The following UBE2E2 variants were observed in gnomAD, a reference collection of about 807,000 sequenced individuals.
UBE2E2 encodes ubiquitin-conjugating enzyme E2 E2.
In UBE2E2, 6 loss-of-function variants were observed where a neutral mutation model predicts 24.7. The ratio of observed to expected loss-of-function variants is 0.24; its 90% CI spans 0.13 to 0.48. The LOEUF (loss-of-function observed/expected upper bound fraction) is 0.48. Ranked by LOEUF, UBE2E2 falls within the 20% of genes least tolerant of loss-of-function variation. The pLI is 0.99. For synonymous variants in UBE2E2, 104 were observed against 83.6 expected (o/e 1.24, Z -1.33); for missense variants, 169 against 245.0 (o/e 0.69, Z 2.07).
At chr3:23,518,070 A>G (rs1326834764) in intron 4 of UBE2E2, among the ~76,000 whole-genome samples, 1 of 152,016 alleles carries the variant, frequency 6.6e-6, no homozygotes, top group Admixed American at 6.5e-5. Flanking sequence ...ACATTTCTAC[A>G]CAGCTTTAAG....
At chr3:23,328,811 G>A (rs1394351606) in intron 3 of UBE2E2, among the ~76,000 whole-genome samples, 6 of 151,924 alleles carry the variant, frequency 3.9e-5, no homozygotes, top group African/African-American at 1.5e-4. Flanking sequence ...ACAGGTGCCC[G>A]CCACCATGCC....
intron 2 of UBE2E2, among the ~76,000 whole-genome samples, chr3:23,209,459 C>T (rs983424052): frequency 1.1e-4 from 16 of 152,122 alleles, no homozygotes; most frequent in African/African-American, 3.9e-4. Flanking sequence ...ATTGGCATGT[C>T]ACTGGACTTA....
At chr3:23,536,311 A>T (rs115793329) in intron 5 of UBE2E2, among the ~76,000 whole-genome samples, 4,461 of 152,300 alleles carry the variant, frequency 0.029, 231 homozygotes, top group African/African-American at 0.1. Context: ...TAGAAGATCA[A>T]CAGTTTTCCT....
At chr3:23,222,018 C>A (rs1696662984) in intron 3 of UBE2E2, among the ~76,000 whole-genome samples, 1 of 151,994 alleles carries the variant, frequency 6.6e-6, no homozygotes. Context: ...ACTCCCCTTC[C>A]TGGCCTCTGG....
chr3:23,539,638 G>A (rs1330724361), intron 5 of UBE2E2, among the ~76,000 whole-genome samples: 1 of 152,166 alleles, frequency 6.6e-6, no homozygotes. Flanking sequence ...CATTTTTAAA[G>A]TAGGAAGGTA....
chr3:23,305,284 G>C (rs550570436), intron 3 of UBE2E2, among the ~76,000 whole-genome samples: 55 of 152,256 alleles, frequency 3.6e-4, no homozygotes, highest in South Asian at 8.3e-4. Flanking sequence ...AGCTTTAACA[G>C]GTATACAAAT....
chr3:23,244,510 A>G (rs4858484), intron 3 of UBE2E2, among the ~76,000 whole-genome samples: 92,733 of 151,984 alleles, frequency 0.61, 28,823 homozygotes, highest in South Asian at 0.68. Flanking sequence ...GTACAGCAAC[A>G]TAATTAACTA....
At chr3:23,274,573 G>C (rs555819862) in intron 3 of UBE2E2, among the ~76,000 whole-genome samples, 2 of 151,912 alleles carry the variant, frequency 1.3e-5, no homozygotes, top group Non-Finnish European at 2.9e-5. Context: ...TGTTGCCCAG[G>C]CTGGTCTTGA....
At chr3:23,253,511 TG>T (rs1697635663) in intron 3 of UBE2E2, among the ~76,000 whole-genome samples, 1 of 152,240 alleles carries the variant, frequency 6.6e-6, no homozygotes, top group Non-Finnish European at 1.5e-5. Context: ...CCATTGCTAC[TG>T]GACTGTGAAA....
At chr3:23,400,406 G>A (rs1697189209) in intron 3 of UBE2E2, among the ~76,000 whole-genome samples, 1 of 152,170 alleles carries the variant, frequency 6.6e-6, no homozygotes, top group African/African-American at 2.4e-5. Flanking sequence ...CTGGGCTCAA[G>A]TGATCCTCTT....
chr3:23,262,537 C>T (rs1349715383), intron 3 of UBE2E2, among the ~76,000 whole-genome samples: 1 of 151,994 alleles, frequency 6.6e-6, no homozygotes. Flanking sequence ...GCCTTGGTGT[C>T]CTAGAGCACT....
At chr3:23,398,719 G>T (rs1697140660) in intron 3 of UBE2E2, among the ~76,000 whole-genome samples, 1 of 152,124 alleles carries the variant, frequency 6.6e-6, no homozygotes, top group Non-Finnish European at 1.5e-5. Flanking sequence ...TTGTTTCTCT[G>T]CCTGGAAATT....
intron 3 of UBE2E2, among the ~76,000 whole-genome samples, chr3:23,459,311 ATTC>A (rs1411742897): frequency 6.6e-6 from 1 of 152,250 alleles, no homozygotes; most frequent in Non-Finnish European, 1.5e-5. Context: ...TTTCATAAAC[ATTC>A]TTCTCATTGA....
chr3:23,320,871 T>C (rs1390325757), intron 3 of UBE2E2, among the ~76,000 whole-genome samples: 2 of 152,234 alleles, frequency 1.3e-5, no homozygotes, highest in Non-Finnish European at 2.9e-5. Context: ...CTAACAGTAT[T>C]AGTTTCCTAG....
intron 3 of UBE2E2, among the ~76,000 whole-genome samples, chr3:23,256,984 T>G (rs1697742279): frequency 6.6e-6 from 1 of 152,258 alleles, no homozygotes; most frequent in Admixed American, 6.5e-5. Context: ...CCTATTTATT[T>G]AGGTCGTGTG....
chr3:23,336,228 G>C (rs527543343), intron 3 of UBE2E2, among the ~76,000 whole-genome samples: 1 of 152,230 alleles, frequency 6.6e-6, no homozygotes, highest in South Asian at 2.1e-4. Flanking sequence ...GTACCAGAAT[G>C]GGGGGAAAAG....
At position 23,419,541 on chromosome 3, in the gene UBE2E2, A is replaced by T. The variant is rs537603400; in HGVS notation, c.228-80067A>T. ...AAGTGACCCACCAGAATTACCTGGGAAGCTTTTAATAAGTTGTGGATGTTG... is the reference window on the plus strand; with the variant it reads ...AAGTGACCCACCAGAATTACCTGGGTAGCTTTTAATAAGTTGTGGATGTTG... On this transcript the variant is annotated intron_variant, in intron 3 of 5. Transcript: ENST00000396703. Among the ~76,000 whole-genome samples the T allele has an allele frequency of 2.0e-5, 3 of 152,300 alleles. No homozygotes were observed. The South Asian group carries it at 6.2e-4, about 32-fold the overall frequency.
intron 5 of UBE2E2, among the ~76,000 whole-genome samples, chr3:23,557,523 A>G (rs982732217): frequency 2.0e-5 from 3 of 152,164 alleles, no homozygotes; most frequent in Non-Finnish European, 4.4e-5. Flanking sequence ...GACAGTTTAG[A>G]TACACCAGTT....
chr3:23,527,081 G>A (rs1007411490), intron 4 of UBE2E2, among the ~76,000 whole-genome samples: 3 of 152,080 alleles, frequency 2.0e-5, no homozygotes, highest in Admixed American at 6.5e-5. Context: ...AACATTATTA[G>A]CATTTAAGGA....
Sources: allele counts gnomAD v4.1 joint callset (sites outside exome capture counted in the v4.1 genomes callset), GRCh38; gene constraint gnomAD v4.1.1; transcripts MANE v1.5; gene names NCBI Gene and HGNC (gene_info 2026-07-23, HGNC 2026-07-21).